Variants in ANTXR1 observed in about 807,000 individuals in gnomAD.
The protein encoded by ANTXR1 is anthrax toxin receptor 1.
ANTXR1 carries 19 observed loss-of-function variants against 78.1 expected under a neutral mutation model. The observed-to-expected ratio is 0.24, with a 90% CI of 0.17 to 0.36. The LOEUF is 0.36. Among genes scored for constraint, ANTXR1 ranks in the 10% least tolerant of loss-of-function variants. ANTXR1 has a pLI of 1.00. For missense variants in ANTXR1, 518 were observed against 718.6 expected (o/e 0.72, Z 3.19); for synonymous variants, 273 against 260.5 (o/e 1.05, Z -0.46).
intron 17 of ANTXR1, among the ~76,000 whole-genome samples, chr2:69,194,109 C>T (rs1674607346): frequency 6.6e-6 from 1 of 152,210 alleles, no homozygotes; most frequent in Non-Finnish European, 1.5e-5. Flanking sequence ...CACCTAATTG[C>T]ATTCTCCAAA....
intron 17 of ANTXR1, among the ~76,000 whole-genome samples, chr2:69,215,949 A>T (rs1433103624): frequency 6.6e-6 from 1 of 152,206 alleles, no homozygotes; most frequent in Non-Finnish European, 1.5e-5. Flanking sequence ...TTTACACTTA[A>T]GAAGACAATT....
chr2:69,084,252 C>T (rs546312985), intron 8 of ANTXR1, among the ~76,000 whole-genome samples: 25 of 152,322 alleles, frequency 1.6e-4, no homozygotes, highest in African/African-American at 6.0e-4. Flanking sequence ...GAGCTTTTCT[C>T]CTGCAGACAT....
At chr2:69,182,980 T>TAA (rs34296585) in intron 16 of ANTXR1, 2,379 of 208,578 alleles carry the variant, frequency 0.011, 15 homozygotes, top group Middle Eastern at 0.023. Context: ...TGTTCCATAT[T>TAA]AAAAAAAAAA....
At position 69,050,139 on chromosome 2, in the gene ANTXR1, A is replaced by G. The variant is rs184016397; in HGVS notation, c.296+5326A>G. Among the ~76,000 whole-genome samples the G allele has an allele frequency of 2.2e-3, 333 of 152,054 alleles. 2 individuals carry two copies. Among genetic ancestry groups the G allele is most frequent in the African/African-American group, 7.7e-3 (321 of 41,462 alleles). Reference sequence around the variant, plus strand: ...GGAGACCCCATCTCTACAAAAAATAAAATTAAAAATTAGCCAAGCATGTTG... The same window carrying G: ...GGAGACCCCATCTCTACAAAAAATAGAATTAAAAATTAGCCAAGCATGTTG... On this transcript the variant is annotated intron_variant, in intron 3 of 17. Coordinates refer to ENST00000303714, the MANE Select transcript of ANTXR1 (RefSeq NM_032208.3).
chr2:69,126,106 C>G (rs950653992), intron 12 of ANTXR1, among the ~76,000 whole-genome samples: 3 of 152,126 alleles, frequency 2.0e-5, no homozygotes, highest in Non-Finnish European at 4.4e-5. Flanking sequence ...CAGGCATGCA[C>G]TGAATGTAGA....
intron 12 of ANTXR1, among the ~76,000 whole-genome samples, chr2:69,141,326 C>T (rs1368605558): frequency 6.6e-6 from 1 of 152,172 alleles, no homozygotes; most frequent in South Asian, 2.1e-4. Flanking sequence ...ATCACAGAAC[C>T]AATCTGGGAA....
At chr2:69,218,370 G>A (rs1675230318) in intron 17 of ANTXR1, among the ~76,000 whole-genome samples, 2 of 152,262 alleles carry the variant, frequency 1.3e-5, no homozygotes, top group East Asian at 1.9e-4. Context: ...AAAAGGGGGG[G>A]ATGGGTATCC....
At position 69,013,447 on chromosome 2, in the gene ANTXR1, G is replaced by C. The variant is rs1040308458; in HGVS notation, c.-53G>C. On this transcript the variant is annotated 5_prime_UTR_variant, in exon 1 of 18. Coordinates refer to ENST00000303714, the MANE Select transcript of ANTXR1 (RefSeq NM_032208.3). This position sits in a 1 kb window ranked among gnomAD's most constrained non-coding sequence, Gnocchi z 5.0. ...ATGGCGCGTCCCTGAGGGTCGTGGC[G>C]AGTTCGCGGAGCGTGGGAAGGAGCG... 2 of 1,573,752 alleles carry C rather than the reference G, an allele frequency of 1.3e-6. No homozygotes were observed. Among genetic ancestry groups the C allele is most frequent in the Non-Finnish European group, 1.7e-6 (2 of 1,161,510 alleles).
chr2:69,197,019 C>A (rs1385197856), intron 17 of ANTXR1, among the ~76,000 whole-genome samples: 1 of 152,212 alleles, frequency 6.6e-6, no homozygotes, highest in East Asian at 1.9e-4. Flanking sequence ...TTGGCACCCA[C>A]CTCCTCAGAA....
chr2:69,020,707 CCT>C (rs1188481879), intron 1 of ANTXR1, among the ~76,000 whole-genome samples: 1 of 152,140 alleles, frequency 6.6e-6, no homozygotes, highest in East Asian at 1.9e-4. Context: ...TGCCTCTCCC[CCT>C]GATTACTCTG....
chr2:69,155,015 A>G (rs1673487075), intron 13 of ANTXR1, among the ~76,000 whole-genome samples: 1 of 152,222 alleles, frequency 6.6e-6, no homozygotes, highest in African/African-American at 2.4e-5. Context: ...GCCTCTGCTC[A>G]GCATCCTCCT....
chr2:69,226,244 T>A (rs1675449540), intron 17 of ANTXR1, among the ~76,000 whole-genome samples: 1 of 152,232 alleles, frequency 6.6e-6, no homozygotes. Context: ...TTTCCTGGAC[T>A]GTCTGGATTC....
intron 1 of ANTXR1, among the ~76,000 whole-genome samples, chr2:69,014,925 G>T (rs1041322194): frequency 6.6e-6 from 1 of 152,162 alleles, no homozygotes; most frequent in African/African-American, 2.4e-5. Context: ...ATATGCTCCA[G>T]TGCTAAGGAA....
intron 17 of ANTXR1, among the ~76,000 whole-genome samples, chr2:69,235,836 A>G (rs1355346657): frequency 6.6e-6 from 1 of 151,862 alleles, no homozygotes; most frequent in Non-Finnish European, 1.5e-5. Flanking sequence ...ACTGCTATAA[A>G]GAACTACCCA....
intron 17 of ANTXR1, among the ~76,000 whole-genome samples, chr2:69,234,170 A>AATAAAG (rs1675696763): frequency 6.6e-6 from 1 of 152,258 alleles, no homozygotes; most frequent in African/African-American, 2.4e-5. Context: ...TAAGATCAAT[A>AATAAAG]TTACAATATG....
In ANTXR1 at chr2:69,053,645, G is replaced by T. The variant is rs977192905; in HGVS notation, c.296+8832G>T. On this transcript the variant is annotated intron_variant, in intron 3 of 17. Transcript: ENST00000303714. ...GCAAAAGTTAAAATATGCAGACCAA[G>T]ATCATTATCTTTGACTGGAAATTTC... Among the ~76,000 whole-genome samples the T allele has an allele frequency of 5.9e-5, 9 of 152,260 alleles. No homozygotes were observed. In the East Asian group the frequency reaches 1.3e-3, roughly 23 times the overall value.
chr2:69,209,282 A>C (rs1332306523), intron 17 of ANTXR1, among the ~76,000 whole-genome samples: 1 of 152,228 alleles, frequency 6.6e-6, no homozygotes, highest in Non-Finnish European at 1.5e-5. Context: ...ATGATGGTTC[A>C]TGTTTGACGA....
intron 3 of ANTXR1, among the ~76,000 whole-genome samples, chr2:69,059,692 TA>T (rs2104157226): frequency 6.6e-6 from 1 of 152,352 alleles, no homozygotes; most frequent in East Asian, 1.9e-4. Flanking sequence ...ACATGCTTAA[TA>T]GACTGCAATA....
chr2:69,203,136 T>A (rs1049629418), intron 17 of ANTXR1, among the ~76,000 whole-genome samples: 4 of 152,250 alleles, frequency 2.6e-5, no homozygotes, highest in Non-Finnish European at 4.4e-5. Flanking sequence ...AGAATTCCTA[T>A]CTGACACCAG....
Sources: allele counts gnomAD v4.1 joint callset (sites outside exome capture counted in the v4.1 genomes callset), GRCh38; gene constraint gnomAD v4.1.1; non-coding constraint Gnocchi (gnomAD v3.1); transcripts MANE v1.5; gene names NCBI Gene and HGNC (gene_info 2026-07-23, HGNC 2026-07-21).